Variants in TAPBP observed in about 807,000 individuals in gnomAD.
TAPBP encodes TAP binding protein.
TAPBP carries 38 observed loss-of-function variants against 45.7 expected under a neutral mutation model. That is an observed-to-expected ratio of 0.83 (90% CI 0.64 to 1.09). TAPBP has a LOEUF of 1.09. Ranked by LOEUF, TAPBP falls within the 50% of genes least tolerant of loss-of-function variation. The pLI is 0.00. For missense variants in TAPBP, 513 were observed against 587.3 expected (o/e 0.87, Z 1.31); for synonymous variants, 226 against 254.8 (o/e 0.89, Z 1.08).
At chr6:33,304,864 G>A in intron 4 of TAPBP, 125 bp downstream of exon 4, 1 of 1,457,454 alleles carries the variant, frequency 6.9e-7, no homozygotes, top group Admixed American at 2.2e-5. Context: ...CTAACTCCCA[G>A]GAACCTCTTT....
Position 33,305,565 on chromosome 6 carries a change from C to T in TAPBP, c.470-178G>A, listed in dbSNP as rs192219713. On this transcript the variant is annotated intron_variant, in intron 3 of 7. Coordinates refer to ENST00000434618, the MANE Select transcript of TAPBP (RefSeq NM_003190.5). This position sits in a 1 kb window ranked among gnomAD's most constrained non-coding sequence, Gnocchi z 4.4. ...CTCCCTGCAAACTCCTTTTGCTCTG[C>T]GACTGGGTGGCACCTAGTGTGGCTG... Among the ~76,000 whole-genome samples the T allele has an allele frequency of 9.9e-5, 15 of 152,254 alleles. No individual in the cohort carries two copies. Among genetic ancestry groups the T allele is most frequent in the African/African-American group, 3.1e-4 (13 of 41,554 alleles).
rs751983627 is a variant in TAPBP at position 33,314,006 on chromosome 6, C to CA, written c.35dup (p.Leu12PhefsTer52). The CA allele has an allele frequency of 2.5e-6, 4 of 1,614,026 alleles. No homozygotes were observed. Among genetic ancestry groups the CA allele is most frequent in the Non-Finnish European group, 3.4e-6 (4 of 1,180,042 alleles). On this transcript the variant is annotated frameshift_variant and splice_region_variant, in exon 1 of 8. Transcript: ENST00000434618. LOFTEE classifies it high-confidence loss of function. The stretch of plus-strand genomic sequence containing the variant: ...CGATGAGTCGCGGGGTTCGCTCACC[C>CA]AAAGCCACAGCGAGGAGCAGAGACA...
intron 7 of TAPBP, 56 bp downstream of exon 7, chr6:33,303,899 A>G (rs1768754122): frequency 2.5e-6 from 4 of 1,613,946 alleles, no homozygotes; most frequent in Non-Finnish European, 3.4e-6. Context: ...GGGTTTTGAG[A>G]TAGGATGAGG....
Position 33,305,300 on chromosome 6 carries a change from G to A in TAPBP, c.557C>T (p.Pro186Leu). 2.5e-6 allele frequency: 4 copies of A among 1,571,806 alleles called. No individual in the cohort carries two copies. The highest frequency in any genetic ancestry group is 2.6e-6 in the Non-Finnish European group (3 of 1,159,352). Residue 186 changes from proline to leucine, a missense_variant, in exon 4 of 8, where the codon CCC becomes CTC. By Grantham distance (98) the Pro-to-Leu change is moderately conservative. Coordinates refer to ENST00000434618, the MANE Select transcript of TAPBP (RefSeq NM_003190.5). The surrounding 1 kb of genome is among the most constrained non-coding windows in gnomAD (Gnocchi z 4.4). ...AGATGAGGCGGCCTCGGAGGTGGGGGGCATGTAGGCAAAGCTCAAGTCCAG... is the reference window on the plus strand; with the variant it reads ...AGATGAGGCGGCCTCGGAGGTGGGGAGCATGTAGGCAAAGCTCAAGTCCAG... Reference protein sequence around the residue: ...ALLDLSFAYMPPTSEAASSLA... With the variant: ...ALLDLSFAYMLPTSEAASSLA...
chr6:33,313,046 A>C lies in TAPBP; in HGVS notation c.469+171T>G. On this transcript the variant is annotated intron_variant, in intron 3 of 7. Coordinates refer to ENST00000434618, the MANE Select transcript of TAPBP (RefSeq NM_003190.5). This position sits in a 1 kb window ranked among gnomAD's most constrained non-coding sequence, Gnocchi z 7.2. ...TTTTTTTTTTAACTGGGTGAGGGCT[A>C]GAAGGAGCGGTAGAGATTGATTCAT... 1.7e-6 allele frequency: 1 copy of C among 605,256 alleles called. No homozygotes were observed. Among genetic ancestry groups the C allele is most frequent in the Non-Finnish European group, 2.6e-6 (1 of 386,702 alleles). The allele number at this position is 605,256 out of a possible 1,614,324, so 37.5% of individuals were successfully genotyped here. A position where few individuals can be genotyped will look rare whatever the true frequency, so the allele number is the denominator to read the frequency against.
At position 33,313,667 on chromosome 6, in the gene TAPBP, G is replaced by C. The variant is rs772742738; in HGVS notation, c.208+27C>G. 8 of 1,597,338 alleles carry C rather than the reference G, an allele frequency of 5.0e-6. No individual in the cohort carries two copies. Among genetic ancestry groups the C allele is most frequent in the African/African-American group, 4.0e-5 (3 of 74,634 alleles). On this transcript the variant is annotated intron_variant, in intron 2 of 7. Coordinates refer to ENST00000434618, the MANE Select transcript of TAPBP (RefSeq NM_003190.5). The surrounding 1 kb of genome is among the most constrained non-coding windows in gnomAD (Gnocchi z 7.2). ...GTTTCGGTGGAGGCGACAGAGGTAG[G>C]GGGGCGGCGAGTCCCTAGAGACTCA...
intron 3 of TAPBP, among the ~76,000 whole-genome samples, chr6:33,310,443 T>C (rs1282647818): frequency 7.0e-6 from 1 of 143,164 alleles, no homozygotes; most frequent in Non-Finnish European, 1.5e-5. Flanking sequence ...GAGGCAGAAG[T>C]TGAAATGAGC....
chr6:33,301,586 A>G lies in TAPBP; in HGVS notation c.*174T>C. 6.3e-6 allele frequency: 4 copies of G among 636,786 alleles called. No homozygotes were observed. The highest frequency in any genetic ancestry group is 8.3e-6 in the Non-Finnish European group (3 of 363,368). 39.4% of individuals were successfully genotyped at this position (636,786 alleles called of 1,614,324 possible). A position where few individuals can be genotyped will look rare whatever the true frequency, so the allele number is the denominator to read the frequency against. On this transcript the variant is annotated 3_prime_UTR_variant, in exon 8 of 8. Coordinates refer to ENST00000434618, the MANE Select transcript of TAPBP (RefSeq NM_003190.5). ...GAGACTCCGTCTCAAAAAAAAAAAAAAAAGAAAAATTATCCCTTATATAAG... is the reference window on the plus strand; with the variant it reads ...GAGACTCCGTCTCAAAAAAAAAAAAGAAAGAAAAATTATCCCTTATATAAG...
intron 3 of TAPBP, among the ~76,000 whole-genome samples, chr6:33,312,020 TAA>T (rs1769383401): frequency 6.6e-6 from 1 of 152,206 alleles, no homozygotes; most frequent in African/African-American, 2.4e-5. Context: ...ATGGATAAAT[TAA>T]CACAGTGCCA....
rs755791272 is a variant in TAPBP, at chr6:33,313,183, T to C, written c.469+34A>G. 1.9e-6 allele frequency: 3 copies of C among 1,584,964 alleles called. No homozygotes were observed. The highest frequency in any genetic ancestry group is 2.7e-5 in the African/African-American group (2 of 74,274). On this transcript the variant is annotated intron_variant, in intron 3 of 7. Coordinates refer to ENST00000434618, the MANE Select transcript of TAPBP (RefSeq NM_003190.5). This position sits in a 1 kb window ranked among gnomAD's most constrained non-coding sequence, Gnocchi z 7.2. ...CCGGCTGATCTGGACCCTTAGAATC[T>C]ACCCACCCTTCTCCACCTCCCCTCC...
At position 33,313,032 on chromosome 6, in the gene TAPBP, AC is replaced by A; in HGVS notation, c.469+184del. 3.9e-6 allele frequency: 2 copies of A among 507,890 alleles called. No individual in the cohort carries two copies. Among genetic ancestry groups the A allele is most frequent in the African/African-American group, 2.2e-5 (1 of 45,704 alleles). The allele number at this position is 507,890 out of a possible 1,614,324, so 31.5% of individuals were successfully genotyped here. A position where few individuals can be genotyped will look rare whatever the true frequency, so the allele number is the denominator to read the frequency against. ...GTTTTTTTTTTGTTTTTTTTTTTTA[AC>A]TGGGTGAGGGCTAGAAGGAGCGGTA... is the stretch of plus-strand genomic sequence containing the variant. On this transcript the variant is annotated intron_variant, in intron 3 of 7. Coordinates refer to ENST00000434618, the MANE Select transcript of TAPBP (RefSeq NM_003190.5). The surrounding 1 kb of genome is among the most constrained non-coding windows in gnomAD (Gnocchi z 7.2).
chr6:33,306,978 CA>C (rs553964427), intron 3 of TAPBP, among the ~76,000 whole-genome samples: 241 of 126,262 alleles, frequency 1.9e-3, no homozygotes, highest in Admixed American at 2.7e-3. Flanking sequence ...AACCCCGTTT[CA>C]AAAAAAAAAA....
rs950929413 is a variant in TAPBP at position 33,300,079 on chromosome 6, G to A, written c.*1681C>T. The A allele has an allele frequency of 3.2e-5, 5 of 154,064 alleles. No homozygotes were observed. Among genetic ancestry groups the A allele is most frequent in the African/African-American group, 9.6e-5 (4 of 41,462 alleles). The allele number at this position is 154,064 out of a possible 1,614,324, so 9.5% of individuals were successfully genotyped here. On this transcript the variant is annotated 3_prime_UTR_variant, in exon 8 of 8. Transcript: ENST00000434618. ...AAGGGTGGACCAGGCAAAGGGAACA[G>A]AGGACTGGGACCTGGAGGTGGGCGG...
At chr6:33,302,144 C>CTT (rs70996762) in intron 7 of TAPBP, among the ~76,000 whole-genome samples, 12 of 118,676 alleles carry the variant, frequency 1.0e-4, no homozygotes, top group East Asian at 2.4e-4. Flanking sequence ...TCTTTTCTTT[C>CTT]TTTTTTTTTT....
At chr6:33,303,789 C>G in intron 7 of TAPBP, 166 bp downstream of exon 7, 4 of 1,558,092 alleles carry the variant, frequency 2.6e-6, no homozygotes, top group Non-Finnish European at 3.5e-6. Flanking sequence ...GTAGCATGCT[C>G]AAAGAGTCCT....
intron 4 of TAPBP, 40 bp downstream of exon 4, chr6:33,304,949 C>T (rs1223529902): frequency 6.2e-7 from 1 of 1,606,382 alleles, no homozygotes; most frequent in Non-Finnish European, 8.5e-7. Context: ...CAATCCAGTG[C>T]CCACCCTCTA....
intron 7 of TAPBP, among the ~76,000 whole-genome samples, chr6:33,303,101 G>A (rs1241837560): frequency 6.6e-6 from 1 of 152,084 alleles, no homozygotes; most frequent in African/African-American, 2.4e-5. Context: ...CTGCCCTCAT[G>A]TGATGGGTCA....
rs1769510289 is a variant in TAPBP, at chr6:33,313,368, G to A, written c.318C>T (p.Ala106=). The change falls in exon 3 of 8, where the codon GCC becomes GCT. Residue 106 remains alanine (A), a synonymous_variant. Coordinates refer to ENST00000434618, the MANE Select transcript of TAPBP (RefSeq NM_003190.5). The surrounding 1 kb of genome is among the most constrained non-coding windows in gnomAD (Gnocchi z 7.2). The part of the protein sequence containing the change: ...FVPLPASAKW[A]SGLTPAQNCP... ...AGTTCTGCGCGGGGGTCAGGCCGCT[G>A]GCCCATTTCGCAGAGGCGGGGAGAG... 1 of 1,612,978 alleles carries A rather than the reference G, an allele frequency of 6.2e-7. No homozygotes were observed.
chr6:33,304,194 C>G lies in TAPBP; in HGVS notation c.1234G>C (p.Asp412His). ...GCAGACAGGAAAAGGCCTACGCTGTCCTCAAGGGAGGGCCCTGAAAGACCT... is the reference window on the plus strand; with the variant it reads ...GCAGACAGGAAAAGGCCTACGCTGTGCTCAAGGGAGGGCCCTGAAAGACCT... ...VAGLSGPSLE[D>H]SVGLFLSAFL... Residue 412 changes from aspartate (D) to histidine (H), a missense_variant, in exon 6 of 8, where the codon GAC becomes CAC. By Grantham distance (81) the Asp-to-His change is moderately conservative. Coordinates refer to ENST00000434618, the MANE Select transcript of TAPBP (RefSeq NM_003190.5). The G allele has an allele frequency of 6.2e-7, 1 of 1,613,762 alleles. No homozygotes were observed. The highest frequency in any genetic ancestry group is 1.3e-5 in the African/African-American group (1 of 74,950).
Sources: gnomAD v4.1 joint callset for allele counts (sites outside exome capture counted in the v4.1 genomes callset) on GRCh38, gnomAD v4.1.1 for gene constraint, Gnocchi (gnomAD v3.1) non-coding constraint, MANE v1.5 for transcripts, NCBI Gene and HGNC (gene_info 2026-07-23, HGNC 2026-07-21) for gene names.